PTPRD: variants seen among roughly 807,000 people sequenced by gnomAD.
PTPRD encodes the protein protein tyrosine phosphatase receptor type D.
PTPRD carries 34 observed loss-of-function variants against 214.5 expected under a neutral mutation model. The ratio of observed to expected loss-of-function variants is 0.16; its 90% CI spans 0.12 to 0.21. The LOEUF (loss-of-function observed/expected upper bound fraction) is 0.21. Ranked by LOEUF, PTPRD falls within the 10% of genes least tolerant of loss-of-function variation. The pLI is 1.00. For synonymous variants in PTPRD, 1,128 were observed against 845.7 expected (o/e 1.33, Z -5.79); for missense variants, 2,545 against 2,398.7 (o/e 1.06, Z -1.27).
intron 3 of PTPRD, among the ~76,000 whole-genome samples, chr9:10,190,407 AAAAAAAAAAAAAAC>A (rs1339273845): frequency 0.092 from 10,363 of 112,584 alleles, 991 homozygotes; most frequent in African/African-American, 0.16. Flanking sequence ...AAAAAAAAAA[AAAAAAAAAAAAAAC>A]AAAAAGTCAA....
chr9:9,521,220 G>C (rs1437769947), intron 8 of PTPRD, among the ~76,000 whole-genome samples: 3 of 152,044 alleles, frequency 2.0e-5, no homozygotes, highest in Admixed American at 2.0e-4. Context: ...GAACAAAGTC[G>C]CTACAGCAGA....
At chr9:9,497,234 T>C (rs1008653596) in intron 8 of PTPRD, among the ~76,000 whole-genome samples, 2 of 152,132 alleles carry the variant, frequency 1.3e-5, no homozygotes, top group African/African-American at 4.8e-5. Flanking sequence ...TTAAAAATGG[T>C]TAGGATAGTA....
chr9:9,023,744 G>T (rs1255030623), intron 10 of PTPRD, among the ~76,000 whole-genome samples: 2 of 151,850 alleles, frequency 1.3e-5, no homozygotes, highest in African/African-American at 4.8e-5. Context: ...CCACTTATAA[G>T]TGAGAAAATG....
intron 5 of PTPRD, chr9:9,803,682 A>C (rs1334185650): frequency 6.6e-6 from 1 of 151,994 alleles, no homozygotes; most frequent in Non-Finnish European, 1.5e-5. Flanking sequence ...CAAAATTTTT[A>C]ATTTATAAAT....
chr9:9,007,791 T>C (rs1274949261), intron 11 of PTPRD, among the ~76,000 whole-genome samples: 1 of 148,816 alleles, frequency 6.7e-6, no homozygotes, highest in African/African-American at 2.5e-5. Context: ...ATCTTTCAGT[T>C]GTTTCTTTCT....
At chr9:9,572,177 G>T (rs1358277000) in intron 8 of PTPRD, among the ~76,000 whole-genome samples, 1 of 151,360 alleles carries the variant, frequency 6.6e-6, no homozygotes, top group Non-Finnish European at 1.5e-5. Context: ...ATTCAGTGGT[G>T]CTCTGGTAAA....
intron 2 of PTPRD, among the ~76,000 whole-genome samples, chr9:10,549,038 T>G (rs2060748093): frequency 6.6e-6 from 1 of 152,158 alleles, no homozygotes; most frequent in Admixed American, 6.6e-5. Context: ...AAGTTTAAAT[T>G]TTGTGGTTTT....
intron 8 of PTPRD, among the ~76,000 whole-genome samples, chr9:9,417,428 T>C (rs896792309): frequency 3.3e-5 from 5 of 152,160 alleles, no homozygotes; most frequent in African/African-American, 9.7e-5. Flanking sequence ...AGCATACTTA[T>C]TTTGGGTCTG....
chr9:10,187,560 G>A (rs2099343431), intron 3 of PTPRD, among the ~76,000 whole-genome samples: 1 of 152,128 alleles, frequency 6.6e-6, no homozygotes, highest in Admixed American at 6.5e-5. Flanking sequence ...GTTCTAACTT[G>A]CAGTGAGTAT....
At chr9:9,296,912 A>G (rs934550559) in intron 9 of PTPRD, among the ~76,000 whole-genome samples, 1 of 151,812 alleles carries the variant, frequency 6.6e-6, no homozygotes, top group Admixed American at 6.6e-5. Context: ...AAAATGTGGC[A>G]TGAGACAGCT....
intron 14 of PTPRD, among the ~76,000 whole-genome samples, chr9:8,593,401 A>G (rs187143084): frequency 6.6e-6 from 1 of 152,312 alleles, no homozygotes; most frequent in African/African-American, 2.4e-5. Flanking sequence ...GAAAGGTCAC[A>G]CTTGTTTATT....
chr9:8,922,330 A>G (rs1038741479), intron 11 of PTPRD, among the ~76,000 whole-genome samples: 3 of 152,180 alleles, frequency 2.0e-5, no homozygotes, highest in Non-Finnish European at 2.9e-5. Flanking sequence ...TACTTACACA[A>G]TCACTCCTGA....
chr9:8,625,415 G>T (rs987612989), intron 14 of PTPRD, among the ~76,000 whole-genome samples: 1 of 151,764 alleles, frequency 6.6e-6, no homozygotes, highest in East Asian at 1.9e-4. Context: ...CAAACAGAAA[G>T]AACTATGTAT....
At position 10,550,183 on chromosome 9, in the gene PTPRD, C is replaced by T. The variant is rs564445555; in HGVS notation, c.-600+62215G>A. Among the ~76,000 whole-genome samples the T allele has an allele frequency of 2.6e-5, 4 of 152,354 alleles. No individual in the cohort carries two copies. In the South Asian group the frequency reaches 6.2e-4, roughly 24 times the overall value. On this transcript the variant is annotated intron_variant, in intron 2 of 45. Transcript: ENST00000381196. ...AATCAATTTCCTATAACTTTCACTACAGTTTCCTATTCCAAACATTCTTCA... is the reference window on the plus strand; with the variant it reads ...AATCAATTTCCTATAACTTTCACTATAGTTTCCTATTCCAAACATTCTTCA...
At chr9:9,505,871 C>T (rs1429317632) in intron 8 of PTPRD, among the ~76,000 whole-genome samples, 1 of 151,322 alleles carries the variant, frequency 6.6e-6, no homozygotes, top group African/African-American at 2.4e-5. Context: ...GACATTACAA[C>T]ACAACAATGG....
At chr9:9,629,228 G>A (rs1055755831) in intron 7 of PTPRD, among the ~76,000 whole-genome samples, 2 of 110,568 alleles carry the variant, frequency 1.8e-5, no homozygotes, top group African/African-American at 8.5e-5. Context: ...AGATATATAT[G>A]TGTGTGTGTG....
At chr9:9,319,109 T>C (rs550551313) in intron 9 of PTPRD, among the ~76,000 whole-genome samples, 1 of 152,288 alleles carries the variant, frequency 6.6e-6, no homozygotes, top group South Asian at 2.1e-4. Flanking sequence ...TTTAAATAGA[T>C]TCTTAATCTG....
At position 8,498,421 on chromosome 9, in the gene PTPRD, G is replaced by C. The variant is rs554545702; in HGVS notation, c.2323-1153C>G. On this transcript the variant is annotated intron_variant, in intron 25 of 45. Transcript: ENST00000381196. ...CTCCCTAGTAGCTGGGACCACACAG[G>C]CGTGTGCCGCCACGCCTGGCTAATT... Among the ~76,000 whole-genome samples, 16 of 152,200 alleles carry C rather than the reference G, an allele frequency of 1.1e-4. No individual in the cohort carries two copies. The East Asian group carries it at 3.1e-3, about 30-fold the overall frequency.
intron 2 of PTPRD, among the ~76,000 whole-genome samples, chr9:10,513,998 C>G (rs1306410452): frequency 1.3e-5 from 2 of 152,136 alleles, no homozygotes; most frequent in Admixed American, 6.6e-5. Flanking sequence ...CTTGACAATG[C>G]TTACTGTTCC....
Sources: allele counts gnomAD v4.1 joint callset (sites outside exome capture counted in the v4.1 genomes callset), GRCh38; gene constraint gnomAD v4.1.1; transcripts MANE v1.5; gene names NCBI Gene and HGNC (gene_info 2026-07-23, HGNC 2026-07-21).